The following PDE4DIP variants were observed in gnomAD, a reference collection of about 807,000 sequenced individuals.
PDE4DIP encodes the protein phosphodiesterase 4D interacting protein.
Under a neutral mutation model 221.4 loss-of-function variants are expected in PDE4DIP, and 59 were observed. The observed-to-expected ratio is 0.27, with a 90% CI of 0.22 to 0.33. The LOEUF (loss-of-function observed/expected upper bound fraction) is 0.33. Among genes scored for constraint, PDE4DIP ranks in the 10% least tolerant of loss-of-function variants. PDE4DIP has a pLI of 1.00. For synonymous variants in PDE4DIP, 404 were observed against 815.9 expected (o/e 0.50, Z 8.60); for missense variants, 1,036 against 2,154.2 (o/e 0.48, Z 10.28).
At chr1:148,922,726 T>A (rs1205241146) in intron 1 of PDE4DIP, among the ~76,000 whole-genome samples, 3 of 149,628 alleles carry the variant, frequency 2.0e-5, no homozygotes, top group Non-Finnish European at 4.4e-5. Flanking sequence ...TAGCTGGGAC[T>A]ACAGGTGCCC....
chr1:148,952,433 A>G (rs1394471194), intron 5 of PDE4DIP: 55 of 1,083,308 alleles, frequency 5.1e-5, no homozygotes, highest in Non-Finnish European at 5.7e-5. Context: ...CCGGGAGCCC[A>G]GTCTGCTAAA....
At chr1:149,005,064 T>C in exon 27 of PDE4DIP, 1 of 1,612,708 alleles carries the variant, frequency 6.2e-7, no homozygotes, top group Non-Finnish European at 8.5e-7. Flanking sequence ...ATATGGAAAG[T>C]CAGAAAACAT....
At chr1:148,937,486 C>T (rs1167921641) in intron 4 of PDE4DIP, among the ~76,000 whole-genome samples, 1 of 152,130 alleles carries the variant, frequency 6.6e-6, no homozygotes, top group Admixed American at 6.6e-5. Flanking sequence ...GAGTTAAATT[C>T]CTATGGTCTA....
chr1:148,875,709 T>G (rs1690929240), intron 3 of PDE4DIP, among the ~76,000 whole-genome samples: 1 of 149,740 alleles, frequency 6.7e-6, no homozygotes, highest in Admixed American at 6.7e-5. Flanking sequence ...GCGAATCACC[T>G]GAGGTCAGGA....
intron 14 of PDE4DIP, among the ~76,000 whole-genome samples, chr1:148,970,577 A>G (rs1447012641): frequency 6.6e-6 from 1 of 151,342 alleles, no homozygotes; most frequent in Non-Finnish European, 1.5e-5. Context: ...TAGATTGTGG[A>G]GCTCAACTCC....
chr1:148,944,165 A>G (rs1348623691), intron 5 of PDE4DIP, among the ~76,000 whole-genome samples: 10 of 152,252 alleles, frequency 6.6e-5, no homozygotes, highest in South Asian at 2.1e-4. Flanking sequence ...ATAGGTACAA[A>G]AAAGTATTTT....
intron 21 of PDE4DIP, chr1:148,986,609 CTT>C (rs2152311395): frequency 6.6e-6 from 1 of 152,116 alleles, no homozygotes; most frequent in South Asian, 2.1e-4. Flanking sequence ...TAGAATGAGT[CTT>C]TAACTAAAGG....
chr1:149,005,143 ACCT>A, exon 27 of PDE4DIP: 1 of 1,614,046 alleles, frequency 6.2e-7, no homozygotes, highest in East Asian at 2.2e-5. Flanking sequence ...GTCATTCAAA[ACCT>A]CAAGAGCCGG....
intron 9 of PDE4DIP, among the ~76,000 whole-genome samples, chr1:148,963,983 G>C (rs1304738182): frequency 1.3e-5 from 2 of 151,020 alleles, no homozygotes; most frequent in Admixed American, 6.6e-5. Context: ...TGGTCTCGAT[G>C]TCCTGACCTC....
At chr1:148,862,219 A>C (rs1222108963) in intron 1 of PDE4DIP, among the ~76,000 whole-genome samples, 5 of 151,140 alleles carry the variant, frequency 3.3e-5, no homozygotes, top group Admixed American at 3.3e-4. Flanking sequence ...GCTACTATAC[A>C]ATTTATTTAT....
intron 4 of PDE4DIP, among the ~76,000 whole-genome samples, chr1:148,933,066 T>C (rs1218830266): frequency 2.0e-5 from 3 of 152,148 alleles, no homozygotes; most frequent in Non-Finnish European, 4.4e-5. Flanking sequence ...AGAAATACAT[T>C]TCCGTTGTTT....
intron 6 of PDE4DIP, among the ~76,000 whole-genome samples, chr1:148,961,168 C>T (rs1292742311): frequency 7.2e-5 from 11 of 152,040 alleles, no homozygotes; most frequent in African/African-American, 1.5e-4. Context: ...ATTAGCCAGG[C>T]GTTGTGGCAG....
At chr1:149,013,850 C>T (rs587679396) in intron 32 of PDE4DIP, among the ~76,000 whole-genome samples, 10 of 141,874 alleles carry the variant, frequency 7.0e-5, no homozygotes, top group East Asian at 2.1e-4. Flanking sequence ...TGCAGTGGCA[C>T]GATCTCGGCT....
At chr1:148,998,455 G>A in intron 23 of PDE4DIP, 80 bp downstream of exon 26, 1 of 630,324 alleles carries the variant, frequency 1.6e-6, no homozygotes, top group Non-Finnish European at 2.9e-6. Context: ...CAGGCTCCAT[G>A]CATTAATATT....
At chr1:149,028,680 A>G (rs1553632761) in exon 41 of PDE4DIP, 3 of 1,597,878 alleles carry the variant, frequency 1.9e-6, no homozygotes, top group Non-Finnish European at 2.6e-6. Context: ...AAGCACCCAC[A>G]TCCCTGTGCT....
intron 27 of PDE4DIP, 80 bp from the exon 31 acceptor site, chr1:149,007,121 C>G: frequency 3.0e-6 from 2 of 663,460 alleles, no homozygotes; most frequent in Non-Finnish European, 5.5e-6. Flanking sequence ...TCATAGAAAT[C>G]TCTACAGAAG....
At chr1:149,001,355 A>G (rs587672242) in intron 23 of PDE4DIP, among the ~76,000 whole-genome samples, 1 of 146,766 alleles carries the variant, frequency 6.8e-6, no homozygotes, top group South Asian at 2.5e-4. Flanking sequence ...TCTTGAGTCC[A>G]AGGTTTCTAG....
rs587660754 is a variant in PDE4DIP at position 148,961,580 on chromosome 1, T to C, written c.769-257T>C. 3.3e-5 allele frequency among the ~76,000 whole-genome samples: 5 copies of C among 152,360 alleles called. No homozygotes were observed. In the East Asian group the frequency reaches 9.6e-4, roughly 29 times the overall value. ...TACTTGGTCCATGTGGACAAGTTCC[T>C]AGTATGGCTGCCATCATAGAGAGAT... On this transcript the variant is annotated intron_variant, in intron 6 of 43. Transcript: ENST00000369354.
intron 21 of PDE4DIP, chr1:148,983,433 G>T (rs1161117325): frequency 1.3e-5 from 2 of 152,136 alleles, no homozygotes; most frequent in African/African-American, 4.8e-5. Flanking sequence ...TAAATTAAAA[G>T]TCTGATCTTA....
Sources: allele counts gnomAD v4.1 joint callset (sites outside exome capture counted in the v4.1 genomes callset), GRCh38; gene constraint gnomAD v4.1.1; transcripts MANE v1.5; gene names NCBI Gene and HGNC (gene_info 2026-07-23, HGNC 2026-07-21).